Variants in NMNAT2 observed in about 807,000 individuals in gnomAD.
The protein encoded by NMNAT2 is nicotinamide/nicotinic acid mononucleotide adenylyltransferase 2.
NMNAT2 carries 11 observed loss-of-function variants against 41.6 expected under a neutral mutation model. The ratio of observed to expected loss-of-function variants is 0.26; its 90% CI spans 0.17 to 0.44. The LOEUF is 0.44. Ranked by LOEUF, NMNAT2 falls within the 20% of genes least tolerant of loss-of-function variation. NMNAT2 has a pLI of 1.00. For synonymous variants in NMNAT2, 148 were observed against 151.2 expected (o/e 0.98, Z 0.16); for missense variants, 288 against 407.7 (o/e 0.71, Z 2.53).
At chr1:183,389,797 A>T (rs929491461) in intron 1 of NMNAT2, among the ~76,000 whole-genome samples, 1 of 78,954 alleles carries the variant, frequency 1.3e-5, no homozygotes, top group South Asian at 4.5e-4. Context: ...AGAAAGAAAG[A>T]AAGAAAGAAA....
intron 1 of NMNAT2, among the ~76,000 whole-genome samples, chr1:183,369,488 A>G (rs1663486245): frequency 6.6e-6 from 1 of 151,998 alleles, no homozygotes; most frequent in Non-Finnish European, 1.5e-5. Context: ...CATGTTAGCC[A>G]GGATGGTCTC....
intron 8 of NMNAT2, among the ~76,000 whole-genome samples, chr1:183,265,258 CTTTTTTTTTTTTTTTTT>C (rs67117635): frequency 3.1e-5 from 2 of 64,528 alleles, no homozygotes; most frequent in African/African-American, 1.3e-4. Context: ...TCTTCTTCTT[CTTTTTTTTTTTTTTTTT>C]TTTTTTTTTT....
chr1:183,327,667 C>T (rs988010839), intron 1 of NMNAT2, among the ~76,000 whole-genome samples: 11 of 152,170 alleles, frequency 7.2e-5, no homozygotes, highest in African/African-American at 2.4e-4. Flanking sequence ...GATGTTTATT[C>T]GCCAGCACTG....
chr1:183,294,610 G>T (rs1361083312), intron 1 of NMNAT2, among the ~76,000 whole-genome samples: 1 of 152,154 alleles, frequency 6.6e-6, no homozygotes, highest in African/African-American at 2.4e-5. Flanking sequence ...GGCCAACATG[G>T]TGAAACCCTT....
chr1:183,264,868 T>G (rs968246047), intron 8 of NMNAT2, among the ~76,000 whole-genome samples: 3 of 152,128 alleles, frequency 2.0e-5, no homozygotes, highest in African/African-American at 7.2e-5. Context: ...CCTCTCTGGC[T>G]GCTGGCTACT....
rs1449523965 is a variant in NMNAT2 at position 183,248,263 on chromosome 1, C to T, written c.*4378G>A. 1.3e-5 allele frequency: 2 copies of T among 152,628 alleles called. No individual in the cohort carries two copies. The highest frequency in any genetic ancestry group is 2.9e-5 in the Non-Finnish European group (2 of 68,042). The allele number at this position is 152,628 out of a possible 1,614,324, so 9.5% of individuals were successfully genotyped here. On this transcript the variant is annotated 3_prime_UTR_variant, in exon 11 of 11. Coordinates refer to ENST00000287713, the MANE Select transcript of NMNAT2 (RefSeq NM_015039.4). ...CTTGTAGCATTGTCTTATTTATTAA[C>T]ATAATTGAAACATTTTGCATAAAAC...
chr1:183,262,625 C>T (rs1332363107), intron 8 of NMNAT2, among the ~76,000 whole-genome samples: 1 of 152,172 alleles, frequency 6.6e-6, no homozygotes, highest in Non-Finnish European at 1.5e-5. Context: ...TCTTTTATCA[C>T]ATCTCTGATT....
intron 1 of NMNAT2, among the ~76,000 whole-genome samples, chr1:183,342,137 C>T (rs987485223): frequency 6.6e-6 from 1 of 151,138 alleles, no homozygotes; most frequent in Non-Finnish European, 1.5e-5. Context: ...TTCCACACTG[C>T]AAAAAAGTCT....
intron 1 of NMNAT2, among the ~76,000 whole-genome samples, chr1:183,330,711 A>G (rs1230866642): frequency 6.6e-6 from 1 of 152,228 alleles, no homozygotes; most frequent in Non-Finnish European, 1.5e-5. Context: ...TTAATGAGGC[A>G]TTTCTTAATG....
intron 1 of NMNAT2, among the ~76,000 whole-genome samples, chr1:183,390,038 T>C (rs1352867164): frequency 1.3e-5 from 2 of 151,912 alleles, no homozygotes; most frequent in Non-Finnish European, 1.5e-5. Context: ...ATATAGAACA[T>C]TGTTTCTGTG....
intron 8 of NMNAT2, among the ~76,000 whole-genome samples, chr1:183,261,642 T>G (rs1487292532): frequency 1.3e-5 from 2 of 152,216 alleles, no homozygotes; most frequent in African/African-American, 4.8e-5. Context: ...TGAATGACAT[T>G]GCGTCCTTAC....
intron 1 of NMNAT2, among the ~76,000 whole-genome samples, chr1:183,345,765 C>A (rs2102348551): frequency 6.6e-6 from 1 of 151,502 alleles, no homozygotes; most frequent in South Asian, 2.1e-4. Flanking sequence ...CGGCTCACTG[C>A]AAGCTCCGCC....
intron 1 of NMNAT2, among the ~76,000 whole-genome samples, chr1:183,390,117 G>A (rs1355588015): frequency 1.3e-5 from 2 of 151,998 alleles, no homozygotes; most frequent in African/African-American, 4.8e-5. Flanking sequence ...GCAGTGGTAC[G>A]GGAAGGTGGG....
intron 8 of NMNAT2, among the ~76,000 whole-genome samples, chr1:183,277,926 A>G (rs890169087): frequency 3.9e-5 from 6 of 152,356 alleles, no homozygotes; most frequent in Admixed American, 2.0e-4. Flanking sequence ...TCAGGCTACC[A>G]GATGAATGAA....
At chr1:183,300,941 T>G (rs56210107) in intron 1 of NMNAT2, among the ~76,000 whole-genome samples, 1,618 of 152,286 alleles carry the variant, frequency 0.011, 22 homozygotes, top group African/African-American at 0.036. Context: ...CTTTTTAGAA[T>G]ATAGATTCTG....
At chr1:183,343,273 C>T (rs185342837) in intron 1 of NMNAT2, among the ~76,000 whole-genome samples, 1 of 152,280 alleles carries the variant, frequency 6.6e-6, no homozygotes. Context: ...TACTCACATT[C>T]ATACACTCTA....
At chr1:183,252,786 A>G (rs1488281271) in intron 10 of NMNAT2, 43 bp from the exon 11 acceptor site, 24 of 1,449,936 alleles carry the variant, frequency 1.7e-5, no homozygotes, top group Non-Finnish European at 2.2e-5. Context: ...TCCACACCCA[A>G]AGCAAGTCAG....
At chr1:183,376,877 A>G (rs1294644436) in intron 1 of NMNAT2, among the ~76,000 whole-genome samples, 1 of 152,136 alleles carries the variant, frequency 6.6e-6, no homozygotes, top group African/African-American at 2.4e-5. Flanking sequence ...AGCTTTCTTG[A>G]GAGGAGTTCA....
chr1:183,329,149 T>C (rs948804445), intron 1 of NMNAT2, among the ~76,000 whole-genome samples: 4 of 152,098 alleles, frequency 2.6e-5, no homozygotes, highest in African/African-American at 9.7e-5. Context: ...CCTATGGGGG[T>C]TCATGATTTC....
Sources: gnomAD v4.1 joint callset for allele counts (sites outside exome capture counted in the v4.1 genomes callset) on GRCh38, gnomAD v4.1.1 for gene constraint, MANE v1.5 for transcripts, NCBI Gene and HGNC (gene_info 2026-07-23, HGNC 2026-07-21) for gene names.